The following CUL2 variants were observed in gnomAD, a reference collection of about 807,000 sequenced individuals.
CUL2 encodes cullin-2.
CUL2 carries 22 observed loss-of-function variants against 110.2 expected under a neutral mutation model. That is an observed-to-expected ratio of 0.20 (90% CI 0.14 to 0.28). The LOEUF (loss-of-function observed/expected upper bound fraction) is 0.28, where lower values mean the gene tolerates loss of function less well. Among genes scored for constraint, CUL2 ranks in the 10% least tolerant of loss-of-function variants. The probability of loss-of-function intolerance (pLI) is 1.00; values close to 1 mark genes in which losing one functional copy is unlikely to be tolerated. For synonymous variants in CUL2, 279 were observed against 293.2 expected (o/e 0.95, Z 0.49); for missense variants, 631 against 905.5 (o/e 0.70, Z 3.89).
intron 18 of CUL2, among the ~76,000 whole-genome samples, chr10:35,015,927 T>C (rs2085018094): frequency 1.3e-5 from 2 of 152,208 alleles, no homozygotes; most frequent in Admixed American, 1.3e-4. Context: ...ATCTTCCAGA[T>C]GGCAATTCTT....
chr10:35,017,668 G>C (rs750367729), intron 17 of CUL2, among the ~76,000 whole-genome samples: 55 of 150,664 alleles, frequency 3.7e-4, no homozygotes, highest in Non-Finnish European at 4.9e-4. Flanking sequence ...ACTCAAACCT[G>C]GGCGACAGAA....
intron 5 of CUL2, among the ~76,000 whole-genome samples, chr10:35,052,297 A>G (rs922297821): frequency 6.6e-6 from 1 of 152,132 alleles, no homozygotes; most frequent in Admixed American, 6.5e-5. Flanking sequence ...CAATACATGA[A>G]AAACTGGTAT....
intron 1 of CUL2, among the ~76,000 whole-genome samples, chr10:35,104,451 A>C (rs1365104184): frequency 6.6e-6 from 1 of 152,064 alleles, no homozygotes; most frequent in African/African-American, 2.4e-5. Context: ...TACTCTTCCC[A>C]TTAAGGTTAA....
At chr10:35,097,283 G>T (rs2087312607) in intron 2 of CUL2, among the ~76,000 whole-genome samples, 1 of 152,060 alleles carries the variant, frequency 6.6e-6, no homozygotes, top group South Asian at 2.1e-4. Flanking sequence ...GCAGCCAGAT[G>T]CATCTGTGCC....
intron 3 of CUL2, among the ~76,000 whole-genome samples, chr10:35,062,695 G>T (rs2134932818): frequency 6.6e-6 from 1 of 150,526 alleles, no homozygotes. Context: ...AAAATTGCCA[G>T]GTGTGGTGGT....
At chr10:35,054,409 G>T in intron 5 of CUL2, 25 bp downstream of exon 5, 1 of 1,230,900 alleles carries the variant, frequency 8.1e-7, no homozygotes, top group Non-Finnish European at 1.2e-6. Flanking sequence ...ACTTATGTTT[G>T]CTAGTCACTT....
intron 2 of CUL2, among the ~76,000 whole-genome samples, chr10:35,066,888 C>T (rs1041610407): frequency 3.9e-5 from 6 of 152,160 alleles, no homozygotes; most frequent in African/African-American, 9.7e-5. Flanking sequence ...AGACCTTCTT[C>T]TTCTAACACT....
intron 2 of CUL2, among the ~76,000 whole-genome samples, chr10:35,064,283 TGATTCA>T (rs1178679076): frequency 2.0e-5 from 3 of 152,224 alleles, no homozygotes; most frequent in African/African-American, 7.2e-5. Context: ...ATAAGGCTGA[TGATTCA>T]GGATGAAGTC....
At chr10:35,095,176 T>G (rs1462090800), upstream of CUL2, among the ~76,000 whole-genome samples, 1 of 151,840 alleles carries the variant, frequency 6.6e-6, no homozygotes, top group Non-Finnish European at 1.5e-5. Context: ...ATACAAAAAT[T>G]AGCTGGGCAT....
intron 1 of CUL2, among the ~76,000 whole-genome samples, chr10:35,104,763 C>T (rs2135115621): frequency 6.6e-6 from 1 of 152,000 alleles, no homozygotes; most frequent in African/African-American, 2.4e-5. Flanking sequence ...CAGTCTTGCT[C>T]TTGTTGCCCA....
At chr10:35,100,014 C>T (rs556554728) in intron 2 of CUL2, among the ~76,000 whole-genome samples, 1 of 151,982 alleles carries the variant, frequency 6.6e-6, no homozygotes, top group African/African-American at 2.4e-5. Context: ...CTATGTTGCC[C>T]AGGCTGGTCT....
chr10:35,036,074 CA>C (rs1163957137), intron 9 of CUL2, among the ~76,000 whole-genome samples: 1 of 152,218 alleles, frequency 6.6e-6, no homozygotes, highest in Non-Finnish European at 1.5e-5. Context: ...AAGAAACAGG[CA>C]TTACCTACAC....
At chr10:35,033,753 C>CAA (rs2085539513) in intron 10 of CUL2, among the ~76,000 whole-genome samples, 1 of 50,876 alleles carries the variant, frequency 2.0e-5, no homozygotes, top group Non-Finnish European at 4.3e-5. Context: ...ACAACAACAA[C>CAA]AACAAAAAAA....
In CUL2 at chr10:35,033,294, C is replaced by A. The variant is rs779563158; in HGVS notation, c.1003-21G>T. The stretch of plus-strand genomic sequence containing the variant: ...GGCATCTAAAAATGAAATATAAGTA[C>A]AAAACCACATTTTAAGAGGTTCAAG... On this transcript the variant is annotated intron_variant, in intron 10 of 20. Coordinates refer to ENST00000374749, the MANE Select transcript of CUL2 (RefSeq NM_003591.4). The A allele has an allele frequency of 2.0e-6, 3 of 1,517,174 alleles. No homozygotes were observed. The South Asian group carries it at 3.4e-5, about 17-fold the overall frequency. The allele number at this position is 1,517,174 out of a possible 1,614,324, so 94.0% of individuals were successfully genotyped here. A position where few individuals can be genotyped will look rare whatever the true frequency, so the allele number is the denominator to read the frequency against.
chr10:35,027,039 A>G (rs925097271), intron 16 of CUL2, among the ~76,000 whole-genome samples: 4 of 152,106 alleles, frequency 2.6e-5, no homozygotes, highest in African/African-American at 9.7e-5. Flanking sequence ...AGCATTTTTC[A>G]AACACTGTTT....
chr10:35,092,909 T>G (rs1249461634), upstream of CUL2, among the ~76,000 whole-genome samples: 1 of 150,770 alleles, frequency 6.6e-6, no homozygotes, highest in East Asian at 1.9e-4. Context: ...ATATACTCCC[T>G]TACTGCTCAG....
chr10:35,044,060 A>C, intron 8 of CUL2, among the ~76,000 whole-genome samples: 1 of 142,486 alleles, frequency 7.0e-6, no homozygotes, highest in Admixed American at 6.7e-5. Context: ...CCAAAAAAAA[A>C]AAAAAAAAAA....
intron 15 of CUL2, among the ~76,000 whole-genome samples, chr10:35,029,120 C>T (rs927605834): frequency 2.6e-5 from 4 of 150,996 alleles, no homozygotes; most frequent in African/African-American, 9.7e-5. Flanking sequence ...TGCAGTGGCA[C>T]GATCTCCGCT....
At chr10:35,085,715 A>T (rs1297152389) in intron 1 of CUL2, among the ~76,000 whole-genome samples, 1 of 151,788 alleles carries the variant, frequency 6.6e-6, no homozygotes, top group Non-Finnish European at 1.5e-5. Flanking sequence ...AAAAAAAAAA[A>T]AAACTGATAG....
Sources: allele counts gnomAD v4.1 joint callset (sites outside exome capture counted in the v4.1 genomes callset), GRCh38; gene constraint gnomAD v4.1.1; transcripts MANE v1.5; gene names NCBI Gene and HGNC (gene_info 2026-07-23, HGNC 2026-07-21).